ATP1A4: variants seen among roughly 807,000 people sequenced by gnomAD.
ATP1A4 encodes the protein sodium/potassium-transporting ATPase subunit alpha-4.
In ATP1A4, 90 loss-of-function variants were observed where a neutral mutation model predicts 114.3. The ratio of observed to expected loss-of-function variants is 0.79; its 90% CI spans 0.66 to 0.94. ATP1A4 has a LOEUF of 0.94. ATP1A4 is among the 40% of genes least tolerant of loss of function. The pLI, the probability that ATP1A4 is intolerant of heterozygous loss-of-function variation, is 0.00. For synonymous variants in ATP1A4, 511 were observed against 494.1 expected (o/e 1.03, Z -0.45); for missense variants, 1,222 against 1,313.6 (o/e 0.93, Z 1.08).
intron 8 of ATP1A4, 112 bp downstream of exon 8, chr1:160,166,838 G>C: frequency 6.6e-7 from 1 of 1,516,210 alleles, no homozygotes; most frequent in Non-Finnish European, 9.1e-7. Flanking sequence ...AAGTGGAGTG[G>C]AGAAGAGGGA....
chr1:160,152,087 G>C lies in ATP1A4; in HGVS notation c.47G>C (p.Ser16Thr). The change falls in exon 1 of 22, where the codon AGT becomes ACT. Residue 16 changes from serine to threonine, a missense_variant. By Grantham distance (58) the Ser-to-Thr change is moderately conservative. Coordinates refer to ENST00000368081, the MANE Select transcript of ATP1A4 (RefSeq NM_144699.4). ...KKGTVAPHDQ[S>T]PRRRPKKGLI... is the part of the protein sequence containing the mutation. ...GGGACAGTGGCTCCCCATGACCAGA[G>C]TCCAAGACGAAGACCTAAAAAAGGG... 6.2e-7 allele frequency: 1 copy of C among 1,614,044 alleles called. No individual in the cohort carries two copies. Among genetic ancestry groups the C allele is most frequent in the Non-Finnish European group, 8.5e-7 (1 of 1,179,986 alleles).
intron 6 of ATP1A4, among the ~76,000 whole-genome samples, chr1:160,160,940 G>GA (rs1254209862): frequency 1.3e-5 from 2 of 152,096 alleles, no homozygotes; most frequent in African/African-American, 2.4e-5. Context: ...TAGATTTTAG[G>GA]AAAAAATTTG....
chr1:160,176,098 T>G lies in ATP1A4; in HGVS notation c.2318T>G (p.Leu773Arg). 1 of 1,614,126 alleles carries G rather than the reference T, an allele frequency of 6.2e-7. No homozygotes were observed. The highest frequency in any genetic ancestry group is 8.5e-7 in the Non-Finnish European group (1 of 1,180,004). The change falls in exon 16 of 22, where the codon CTG becomes CGG. Residue 773 changes from leucine to arginine, a missense_variant. Coordinates refer to ENST00000368081, the MANE Select transcript of ATP1A4 (RefSeq NM_144699.4). The stretch of plus-strand genomic sequence containing the variant: ...GGTTGACCTTCCTCCCCAGGCCGCC[T>G]GATCTTTGACAACCTGAAGAAATCC... ...SIVTGVEEGR[L>R]IFDNLKKSIM...
At chr1:160,162,069 G>A (rs1652881958) in intron 6 of ATP1A4, among the ~76,000 whole-genome samples, 1 of 152,184 alleles carries the variant, frequency 6.6e-6, no homozygotes, top group Non-Finnish European at 1.5e-5. Flanking sequence ...TCACAGTTTA[G>A]TAAGTGCTTT....
chr1:160,172,297 G>A (rs1000066659), intron 12 of ATP1A4, among the ~76,000 whole-genome samples: 1 of 152,206 alleles, frequency 6.6e-6, no homozygotes, highest in African/African-American at 2.4e-5. Flanking sequence ...CTGCCGAGAT[G>A]GGCGGTAAAA....
intron 4 of ATP1A4, 127 bp from the exon 5 acceptor site, chr1:160,158,875 G>A: frequency 9.8e-7 from 1 of 1,017,130 alleles, no homozygotes; most frequent in African/African-American, 1.6e-5. Flanking sequence ...CTTCAAGAAT[G>A]ATGTGGTGGG....
chr1:160,166,887 T>C (rs1185074061), intron 8 of ATP1A4, 81 bp from the exon 9 acceptor site: 4 of 1,516,730 alleles, frequency 2.6e-6, no homozygotes, highest in Non-Finnish European at 3.6e-6. Context: ...GTGAAGTATC[T>C]GGGTGCCAAA....
At chr1:160,183,122 G>A (rs1410150259) in intron 20 of ATP1A4, 1 of 152,216 alleles carries the variant, frequency 6.6e-6, no homozygotes. Context: ...AATCCAAGGT[G>A]GAAATCTCAA....
At chr1:160,160,187 A>G (rs1652818738) in intron 6 of ATP1A4, among the ~76,000 whole-genome samples, 1 of 152,134 alleles carries the variant, frequency 6.6e-6, no homozygotes, top group African/African-American at 2.4e-5. Flanking sequence ...TTAAGAACAA[A>G]TGTTTGGTTA....
rs754589472 is a variant in ATP1A4, at chr1:160,174,540, G to A, written c.2143-39G>A. ...CTTTGGGACTAGTTCTGGATCTGAT[G>A]CAATAAATTGTTCACTCTCTCTGTC... On this transcript the variant is annotated intron_variant, in intron 14 of 21. Transcript: ENST00000368081. 5 of 1,599,090 alleles carry A rather than the reference G, an allele frequency of 3.1e-6. No homozygotes were observed. In the Admixed American group the frequency reaches 8.4e-5, roughly 27 times the overall value.
chr1:160,166,928 C>T (rs756602560), intron 8 of ATP1A4, 40 bp from the exon 9 acceptor site: 2 of 1,598,934 alleles, frequency 1.3e-6, no homozygotes, highest in Admixed American at 3.3e-5. Flanking sequence ...GCTTAAAATT[C>T]TCATTCCCTG....
intron 3 of ATP1A4, among the ~76,000 whole-genome samples, chr1:160,155,737 C>T (rs1652628591): frequency 6.6e-6 from 1 of 152,152 alleles, no homozygotes; most frequent in South Asian, 2.1e-4. Context: ...ATTTTAACCT[C>T]ATCTCCTTCC....
chr1:160,153,111 C>G (rs897995231), intron 1 of ATP1A4, 54 bp from the exon 2 acceptor site: 19 of 1,460,846 alleles, frequency 1.3e-5, no homozygotes, highest in Admixed American at 8.4e-5. Flanking sequence ...CCCCCTCTCC[C>G]TGGAAATGAC....
At chr1:160,158,303 A>G (rs1474949203) in intron 4 of ATP1A4, among the ~76,000 whole-genome samples, 1 of 152,092 alleles carries the variant, frequency 6.6e-6, no homozygotes, top group African/African-American at 2.4e-5. Flanking sequence ...TTTTACAGAG[A>G]GGTTAGCTTG....
At chr1:160,186,389 C>A (rs746269311) in intron 21 of ATP1A4, 22 bp downstream of exon 21, 19 of 1,580,368 alleles carry the variant, frequency 1.2e-5, no homozygotes, top group Non-Finnish European at 1.6e-5. Context: ...CTGGGCCCCG[C>A]TCTGACTGAG....
chr1:160,167,175 G>A lies in ATP1A4; in HGVS notation c.1356+98G>A. 6 of 1,563,746 alleles carry A rather than the reference G, an allele frequency of 3.8e-6. No individual in the cohort carries two copies. The South Asian group carries it at 6.8e-5, about 18-fold the overall frequency. On this transcript the variant is annotated intron_variant, in intron 9 of 21. Transcript: ENST00000368081. ...CTGGAGCTCAGTAATTTCCCCCCAGGTACCCGCCCTCCCCATTTGTCCCCT... is the reference window on the plus strand; with the variant it reads ...CTGGAGCTCAGTAATTTCCCCCCAGATACCCGCCCTCCCCATTTGTCCCCT...
intron 20 of ATP1A4, among the ~76,000 whole-genome samples, chr1:160,185,363 G>A (rs1025458301): frequency 2.0e-5 from 3 of 151,694 alleles, no homozygotes; most frequent in Non-Finnish European, 1.5e-5. Context: ...CATCTGCCTC[G>A]GCCTCCCAAA....
rs1319033263 is a variant in ATP1A4 at position 160,152,018 on chromosome 1, G to A, written c.-23G>A. 4.4e-6 allele frequency: 7 copies of A among 1,604,610 alleles called. No homozygotes were observed. The highest frequency in any genetic ancestry group is 1.1e-5 in the South Asian group (1 of 90,168). On this transcript the variant is annotated 5_prime_UTR_variant, in exon 1 of 22. Coordinates refer to ENST00000368081, the MANE Select transcript of ATP1A4 (RefSeq NM_144699.4). Reference sequence around the variant, plus strand: ...AGCTTTCTTCCCACAGTTGAGCTCGGGCAGCTCTTTCTGGGGATAGCTATG... The same window carrying A: ...AGCTTTCTTCCCACAGTTGAGCTCGAGCAGCTCTTTCTGGGGATAGCTATG...
chr1:160,165,343 A>C (rs2101634840), intron 7 of ATP1A4, among the ~76,000 whole-genome samples: 1 of 152,354 alleles, frequency 6.6e-6, no homozygotes, highest in East Asian at 1.9e-4. Context: ...CTTTTAAAAC[A>C]ATCTTGCTTC....
Sources: gnomAD v4.1 joint callset for allele counts (sites outside exome capture counted in the v4.1 genomes callset) on GRCh38, gnomAD v4.1.1 for gene constraint, MANE v1.5 for transcripts, NCBI Gene and HGNC (gene_info 2026-07-23, HGNC 2026-07-21) for gene names.